The following TANGO6 variants were observed in gnomAD, a reference collection of about 807,000 sequenced individuals.
TANGO6 encodes the protein transport and golgi organization 6 homolog.
A neutral mutation model predicts 114.2 loss-of-function variants in TANGO6; 90 were observed. The observed-to-expected ratio is 0.79, with a 90% CI of 0.66 to 0.94. The LOEUF (loss-of-function observed/expected upper bound fraction) is 0.94. Among genes scored for constraint, TANGO6 ranks in the 40% least tolerant of loss-of-function variants. The probability of loss-of-function intolerance (pLI) is 0.00; values close to 1 mark genes in which losing one functional copy is unlikely to be tolerated. For synonymous variants in TANGO6, 477 were observed against 509.8 expected, an observed-to-expected ratio of 0.94 and a Z score of 0.87; for missense variants, 1,274 against 1,315.3, an observed-to-expected ratio of 0.97 and a Z score of 0.49.
intron 17 of TANGO6, among the ~76,000 whole-genome samples, chr16:69,054,298 T>C (rs950596363): frequency 6.6e-6 from 1 of 152,136 alleles, no homozygotes; most frequent in Non-Finnish European, 1.5e-5. Flanking sequence ...CTTCTGCTGG[T>C]TGGGGAGGGG....
Position 68,882,486 on chromosome 16 carries a change from G to A in TANGO6, c.1377+1856G>A, listed in dbSNP as rs1292464146. Among the ~76,000 whole-genome samples the A allele has an allele frequency of 2.7e-5, 4 of 150,600 alleles. No individual in the cohort carries two copies. The East Asian group carries it at 7.8e-4, about 29-fold the overall frequency. ...CACTCCAGCCTGGGTGACAGAGCGA[G>A]ACTCCGTCTCAAAAAAAAAAAAAGA... On this transcript the variant is annotated intron_variant, in intron 7 of 17. Transcript: ENST00000261778.
At chr16:68,883,354 TTC>T (rs1158204722) in intron 7 of TANGO6, among the ~76,000 whole-genome samples, 1 of 152,204 alleles carries the variant, frequency 6.6e-6, no homozygotes, top group Non-Finnish European at 1.5e-5. Context: ...ATACAAAAAT[TTC>T]TCTCTCTCAA....
chr16:69,042,486 G>A (rs774375433), intron 17 of TANGO6, among the ~76,000 whole-genome samples: 1 of 152,150 alleles, frequency 6.6e-6, no homozygotes, highest in Admixed American at 6.6e-5. Context: ...GGCAGAAGTT[G>A]TAGTGAGCCA....
intron 5 of TANGO6, 47 bp from the exon 6 acceptor site, chr16:68,878,071 T>C: frequency 1.9e-6 from 3 of 1,544,928 alleles, no homozygotes; most frequent in Non-Finnish European, 2.6e-6. Flanking sequence ...GTTACTGTCA[T>C]ATTCCTTGCA....
At chr16:68,908,963 C>G (rs1357564763) in intron 10 of TANGO6, among the ~76,000 whole-genome samples, 1 of 152,144 alleles carries the variant, frequency 6.6e-6, no homozygotes. Context: ...TGAGATCTAT[C>G]TATATTGATA....
intron 11 of TANGO6, among the ~76,000 whole-genome samples, chr16:68,913,201 G>A (rs1464764099): frequency 1.3e-5 from 2 of 151,814 alleles, no homozygotes; most frequent in African/African-American, 4.8e-5. Flanking sequence ...AAATAGCTGG[G>A]ACTACAGGCA....
At chr16:68,939,601 A>G (rs932170141) in intron 14 of TANGO6, among the ~76,000 whole-genome samples, 9 of 149,030 alleles carry the variant, frequency 6.0e-5, no homozygotes, top group Non-Finnish European at 1.2e-4. Flanking sequence ...TTTTTGCCAT[A>G]AAGCATGGAT....
chr16:69,045,545 C>T (rs187960152), intron 17 of TANGO6, among the ~76,000 whole-genome samples: 1 of 151,406 alleles, frequency 6.6e-6, no homozygotes, highest in Admixed American at 6.6e-5. Flanking sequence ...AGTTTGAGAC[C>T]AACCTGGCCA....
chr16:68,944,545 A>C (rs1963393547), intron 14 of TANGO6, among the ~76,000 whole-genome samples: 1 of 152,008 alleles, frequency 6.6e-6, no homozygotes, highest in Admixed American at 6.6e-5. Context: ...AGGAGGAAAG[A>C]CCCTTCTCTA....
chr16:69,049,023 A>G (rs1206818756), intron 17 of TANGO6, among the ~76,000 whole-genome samples: 2 of 152,286 alleles, frequency 1.3e-5, no homozygotes, highest in South Asian at 2.1e-4. Context: ...CTCTTCGTCA[A>G]TAGCACCAGA....
At chr16:68,896,250 T>A (rs144331399) in intron 7 of TANGO6, among the ~76,000 whole-genome samples, 1 of 152,198 alleles carries the variant, frequency 6.6e-6, no homozygotes, top group East Asian at 1.9e-4. Context: ...CAAGTGATCT[T>A]CCCTCCTGAG....
At chr16:68,988,892 G>A (rs1165069046) in intron 15 of TANGO6, among the ~76,000 whole-genome samples, 1 of 151,750 alleles carries the variant, frequency 6.6e-6, no homozygotes, top group Non-Finnish European at 1.5e-5. Context: ...GGGGGGACCG[G>A]ATGTCACTCT....
intron 15 of TANGO6, among the ~76,000 whole-genome samples, chr16:69,000,686 C>T (rs776379250): frequency 1.1e-4 from 17 of 152,004 alleles, no homozygotes; most frequent in Non-Finnish European, 2.1e-4. Context: ...CTGCCTCCCA[C>T]GTTCAGGCAA....
chr16:68,983,751 G>C (rs1963863266), intron 15 of TANGO6, among the ~76,000 whole-genome samples: 1 of 152,080 alleles, frequency 6.6e-6, no homozygotes, highest in South Asian at 2.1e-4. Flanking sequence ...AGCTTTTGTA[G>C]GGCCGGGCGC....
chr16:68,846,542 C>T (rs747384162), intron 1 of TANGO6: 74 of 325,512 alleles, frequency 2.3e-4, no homozygotes, highest in Non-Finnish European at 3.4e-4. Flanking sequence ...GTCGCCCAAG[C>T]TGGAGTGCAG....
At chr16:68,946,550 C>T (rs539680088) in intron 14 of TANGO6, among the ~76,000 whole-genome samples, 2 of 152,118 alleles carry the variant, frequency 1.3e-5, no homozygotes, top group South Asian at 2.1e-4. Context: ...TGTAGTGGTG[C>T]GATCTTGGCT....
At chr16:68,907,337 G>A (rs909753859) in intron 9 of TANGO6, 106 bp from the exon 10 acceptor site, 2 of 1,214,638 alleles carry the variant, frequency 1.6e-6, no homozygotes, top group Non-Finnish European at 2.2e-6. Flanking sequence ...CTTTTTAATG[G>A]TTAACTGTTT....
Position 68,860,500 on chromosome 16 carries a change from A to C in TANGO6, c.711A>C (p.Arg237Ser), listed in dbSNP as rs1962077364. 6.2e-7 allele frequency: 1 copy of C among 1,613,576 alleles called. No individual in the cohort carries two copies. Among genetic ancestry groups the C allele is most frequent in the Non-Finnish European group, 8.5e-7 (1 of 1,179,786 alleles). The change falls in exon 2 of 18, where the codon AGA (arginine) becomes AGC (serine). Residue 237 changes from arginine to serine, a missense_variant. Physicochemically the swap from Arg to Ser is moderately radical, Grantham distance 110 (BLOSUM62 -1). Around this residue, in one of 5 missense-constraint regions of TANGO6, gnomAD observed 908 missense variants for 910.2 expected, o/e 1.00. Coordinates refer to ENST00000261778, the MANE Select transcript of TANGO6 (RefSeq NM_024562.2). ...AACTGGGATTCTGCCCAACCAAAAG[A>C]AAACTGCTAACACCTGCAGAAGAGG... ...LCQLGFCPTK[R>S]KLLTPAEEVL...
chr16:68,987,789 G>A (rs890181077), intron 15 of TANGO6, among the ~76,000 whole-genome samples: 4 of 152,192 alleles, frequency 2.6e-5, no homozygotes, highest in African/African-American at 9.7e-5. Flanking sequence ...AACTGTGTTT[G>A]TTCAAAGTGA....
Sources: gnomAD v4.1 joint callset for allele counts (sites outside exome capture counted in the v4.1 genomes callset) on GRCh38, gnomAD v4.1.1 for gene constraint, gnomAD v4.1.1 regional missense constraint, MANE v1.5 for transcripts, NCBI Gene and HGNC (gene_info 2026-07-23, HGNC 2026-07-21) for gene names.